The following PRPF18 variants were observed in gnomAD, a reference collection of about 807,000 sequenced individuals.
The protein encoded by PRPF18 is pre-mRNA processing factor 18, also known as pre-mRNA-splicing factor 18.
Under a neutral mutation model 46.5 loss-of-function variants are expected in PRPF18, and 38 were observed. That is an observed-to-expected ratio of 0.82 (90% confidence interval 0.63 to 1.07). The LOEUF (loss-of-function observed/expected upper bound fraction) is 1.07. PRPF18 is among the 50% of genes least tolerant of loss of function. The probability of loss-of-function intolerance (pLI) is 0.00; values close to 1 mark genes in which losing one functional copy is unlikely to be tolerated. For missense variants in PRPF18, 263 were observed against 410.0 expected, an observed-to-expected ratio of 0.64 and a Z score of 3.10; for synonymous variants, 152 against 146.7, an observed-to-expected ratio of 1.04 and a Z score of -0.26.
intron 3 of PRPF18, among the ~76,000 whole-genome samples, chr10:13,600,765 A>G (rs61835268): frequency 0.053 from 8,065 of 152,058 alleles, 297 homozygotes; most frequent in Middle Eastern, 0.078. Flanking sequence ...TGTTTGCTCC[A>G]TAATGTTTCT....
At chr10:13,654,811 G>A in the PRPF18 span, 14,347 of 460,392 alleles carry the variant, frequency 0.031, 1,095 homozygotes, top group African/African-American at 0.19. Flanking sequence ...GCCACCAGGA[G>A]GTAGGCATAG....
the PRPF18 span, chr10:13,651,231 G>A: frequency 6.6e-6 from 1 of 152,222 alleles, no homozygotes; most frequent in Non-Finnish European, 1.5e-5. Context: ...GTTGGCTTAT[G>A]GACATTTGGA....
At chr10:13,607,102 A>AT (rs578196601) in intron 4 of PRPF18, among the ~76,000 whole-genome samples, 4 of 151,932 alleles carry the variant, frequency 2.6e-5, no homozygotes, top group Middle Eastern at 3.4e-3. Flanking sequence ...TTATTTATTT[A>AT]TTTTTTTGAC....
chr10:13,613,744 C>T lies in PRPF18; in HGVS notation c.583C>T (p.Leu195Phe). The T allele has an allele frequency of 6.2e-7, 1 of 1,611,770 alleles. No homozygotes were observed. Among genetic ancestry groups the T allele is most frequent in the South Asian group, 1.1e-5 (1 of 90,378 alleles). ...AGTTTACCCATCCTTTCAACAGTTT[C>T]TTCTTGGCGTTTGGGCTAAAGAATT... ...MDIITKFLKF[L>F]LGVWAKELNA... Residue 195 changes from leucine (L) to phenylalanine (F), a missense_variant, in exon 7 of 10, where the codon CTT becomes TTT. Leu to Phe is a conservative substitution (Grantham distance 22). Coordinates refer to ENST00000378572, the MANE Select transcript of PRPF18 (RefSeq NM_003675.4).
chr10:13,650,475 C>T, the PRPF18 span, among the ~76,000 whole-genome samples: 1 of 152,356 alleles, frequency 6.6e-6, no homozygotes, highest in African/African-American at 2.4e-5. Flanking sequence ...TACATTCCCA[C>T]CGCAGCTCTT....
At chr10:13,595,589 C>G (rs915702183) in intron 1 of PRPF18, among the ~76,000 whole-genome samples, 1 of 152,186 alleles carries the variant, frequency 6.6e-6, no homozygotes, top group African/African-American at 2.4e-5. Context: ...TGCTACTCAT[C>G]ATTCTTCCTG....
At chr10:13,605,579 CAAAAAA>C (rs34754785) in intron 3 of PRPF18, 46 bp from the exon 4 acceptor site, 31 of 1,115,618 alleles carry the variant, frequency 2.8e-5, no homozygotes, top group Middle Eastern at 3.7e-4. Flanking sequence ...GAGACTGTCT[CAAAAAA>C]AAAAAAAAAA....
At chr10:13,628,673 C>G (rs773434498) in intron 9 of PRPF18, among the ~76,000 whole-genome samples, 13 of 151,962 alleles carry the variant, frequency 8.6e-5, no homozygotes, top group African/African-American at 2.9e-4. Context: ...TACTATGGGA[C>G]CAATGAGATT....
chr10:13,606,651 C>T (rs573247100), intron 4 of PRPF18, among the ~76,000 whole-genome samples: 2 of 144,944 alleles, frequency 1.4e-5, no homozygotes, highest in South Asian at 4.5e-4. Context: ...AAGAGAATCA[C>T]TTGAATCCGG....
At chr10:13,609,537 T>G (rs2502205) in intron 4 of PRPF18, among the ~76,000 whole-genome samples, 25 of 152,082 alleles carry the variant, frequency 1.6e-4, no homozygotes, top group African/African-American at 6.0e-4. Context: ...ATGAACCATA[T>G]GTGCATAAAA....
intron 4 of PRPF18, among the ~76,000 whole-genome samples, chr10:13,608,484 G>C (rs1037812823): frequency 6.6e-6 from 1 of 152,220 alleles, no homozygotes; most frequent in African/African-American, 2.4e-5. Flanking sequence ...CACAACACTA[G>C]CAGTTGCTTT....
chr10:13,592,122 A>G, intron 1 of PRPF18: 4 of 587,052 alleles, frequency 6.8e-6, no homozygotes, highest in Non-Finnish European at 1.2e-5. Flanking sequence ...CCTCTTATAC[A>G]CAGCTTTTCT....
intron 9 of PRPF18, among the ~76,000 whole-genome samples, chr10:13,617,410 C>G (rs910521354): frequency 9.9e-5 from 15 of 152,162 alleles, no homozygotes; most frequent in African/African-American, 3.6e-4. Flanking sequence ...CATATAATAG[C>G]TTTTTAAAAT....
chr10:13,635,715 G>A (rs1039240909), downstream of PRPF18, among the ~76,000 whole-genome samples: 3 of 152,022 alleles, frequency 2.0e-5, no homozygotes, highest in East Asian at 1.9e-4. Flanking sequence ...GTGTCTGTTC[G>A]TGTCCTTTGC....
At chr10:13,620,851 A>G (rs769438372) in intron 9 of PRPF18, among the ~76,000 whole-genome samples, 29 of 152,220 alleles carry the variant, frequency 1.9e-4, no homozygotes, top group African/African-American at 3.6e-4. Flanking sequence ...GAAGTGTTCT[A>G]TTTCTCACAA....
chr10:13,587,010 G>A lies in PRPF18; in HGVS notation c.-77G>A. On this transcript the variant is annotated 5_prime_UTR_variant, in exon 1 of 10. Transcript: ENST00000378572. Reference sequence around the variant, plus strand: ...GCTTGTTGTTCCGTATACTCAGTGGGTTCGCGGCCGCCGGCCCAGTGAGGC... The same window carrying A: ...GCTTGTTGTTCCGTATACTCAGTGGATTCGCGGCCGCCGGCCCAGTGAGGC... 3 of 1,471,022 alleles carry A rather than the reference G, an allele frequency of 2.0e-6. No homozygotes were observed. Among genetic ancestry groups the A allele is most frequent in the Non-Finnish European group, 2.9e-6 (3 of 1,049,870 alleles). The allele number at this position is 1,471,022 out of a possible 1,614,324, so 91.1% of individuals were successfully genotyped here.
At chr10:13,591,478 A>G in intron 1 of PRPF18, 1 of 644,002 alleles carries the variant, frequency 1.6e-6, no homozygotes, top group Non-Finnish European at 2.8e-6. Context: ...ATTTGTGAGG[A>G]TAAATTCCAT....
intron 1 of PRPF18, chr10:13,591,566 A>G (rs1361802130): frequency 2.8e-6 from 2 of 712,602 alleles, no homozygotes; most frequent in Non-Finnish European, 5.2e-6. Flanking sequence ...TTGTGACTCC[A>G]CAGCTTTCTG....
chr10:13,589,851 G>C (rs910269419), intron 1 of PRPF18, among the ~76,000 whole-genome samples: 2 of 152,162 alleles, frequency 1.3e-5, no homozygotes, highest in African/African-American at 4.8e-5. Context: ...ATAGAATGCT[G>C]TTTGGTAGGT....
Sources: allele counts gnomAD v4.1 joint callset (sites outside exome capture counted in the v4.1 genomes callset), GRCh38; gene constraint gnomAD v4.1.1; transcripts MANE v1.5; gene names NCBI Gene and HGNC (gene_info 2026-07-23, HGNC 2026-07-21).